Variants in DCAF6 observed in about 807,000 individuals in gnomAD.
The protein encoded by DCAF6 is DDB1 and CUL4 associated factor 6.
In DCAF6, 54 loss-of-function variants were observed where a neutral mutation model predicts 125.1. That is an observed-to-expected ratio of 0.43 (90% CI 0.35 to 0.54). DCAF6 has a LOEUF of 0.54. DCAF6 is among the 20% of genes least tolerant of loss of function. The pLI is 0.01. For synonymous variants in DCAF6, 371 were observed against 390.4 expected (o/e 0.95, Z 0.58); for missense variants, 934 against 1,161.7 (o/e 0.80, Z 2.85).
At chr1:168,067,938 A>G (rs1692552918) in intron 20 of DCAF6, among the ~76,000 whole-genome samples, 1 of 152,216 alleles carries the variant, frequency 6.6e-6, no homozygotes, top group Non-Finnish European at 1.5e-5. Context: ...GCCTCAGTCA[A>G]GGTAACATCT....
At chr1:167,925,442 C>CGTGTGT in the DCAF6 span, among the ~76,000 whole-genome samples, 1 of 82,478 alleles carries the variant, frequency 1.2e-5, no homozygotes. Flanking sequence ...TACATATACA[C>CGTGTGT]ATATATATAT....
intron 3 of DCAF6, chr1:167,969,058 T>C (rs1458974477): frequency 1.3e-5 from 2 of 152,170 alleles, no homozygotes; most frequent in Non-Finnish European, 2.9e-5. Flanking sequence ...TGGTTTTTTT[T>C]TACCATTCTG....
At chr1:167,948,052 T>C (rs1399127641) in intron 1 of DCAF6, among the ~76,000 whole-genome samples, 1 of 152,176 alleles carries the variant, frequency 6.6e-6, no homozygotes, top group African/African-American at 2.4e-5. Flanking sequence ...TACTCCAGTG[T>C]CGGGTGCAAA....
At chr1:168,023,068 G>T (rs770068704) in intron 12 of DCAF6, 21 bp downstream of exon 12, 2 of 1,612,760 alleles carry the variant, frequency 1.2e-6, no homozygotes, top group Non-Finnish European at 1.7e-6. Context: ...CAGGAGATGC[G>T]CTATGCCCAT....
At chr1:167,935,928 C>G, upstream of DCAF6, 1 of 1,020,910 alleles carries the variant, frequency 9.8e-7, no homozygotes, top group Non-Finnish European at 1.5e-6. Context: ...AGTCACTTTT[C>G]CTGCCACGAC....
At chr1:168,040,048 T>C (rs1688326897) in intron 13 of DCAF6, among the ~76,000 whole-genome samples, 1 of 151,980 alleles carries the variant, frequency 6.6e-6, no homozygotes, top group Non-Finnish European at 1.5e-5. Context: ...CCATATAGTA[T>C]GTTAGAAGGA....
At chr1:167,884,608 C>T in the DCAF6 span, among the ~76,000 whole-genome samples, 1 of 152,038 alleles carries the variant, frequency 6.6e-6, no homozygotes, top group African/African-American at 2.4e-5. Context: ...ATTGACCACC[C>T]CCAATTCCTC....
At chr1:168,036,468 A>C (rs1199195659) in intron 12 of DCAF6, among the ~76,000 whole-genome samples, 1 of 152,218 alleles carries the variant, frequency 6.6e-6, no homozygotes. Context: ...TAAGAGAGAA[A>C]ATGAAAAAAC....
At chr1:167,891,396 T>C in the DCAF6 span, among the ~76,000 whole-genome samples, 6 of 151,424 alleles carry the variant, frequency 4.0e-5, no homozygotes, top group South Asian at 4.2e-4. Flanking sequence ...GTGGCTCACA[T>C]CTGTAATCCC....
the DCAF6 span, chr1:167,924,605 G>GT: frequency 8.6e-7 from 1 of 1,158,548 alleles, no homozygotes; most frequent in South Asian, 1.7e-5. Context: ...TTTAACAGCT[G>GT]TCACCAAATT....
At chr1:167,914,908 A>T in the DCAF6 span, among the ~76,000 whole-genome samples, 1 of 151,860 alleles carries the variant, frequency 6.6e-6, no homozygotes, top group Admixed American at 6.6e-5. Flanking sequence ...AGGGAGGAAA[A>T]CAAGAGGGTC....
the DCAF6 span, chr1:167,924,378 C>A: frequency 1.3e-6 from 1 of 741,846 alleles, no homozygotes; most frequent in Non-Finnish European, 2.2e-6. Context: ...GCCATGAAAT[C>A]ATCTAGAGGC....
the DCAF6 span, among the ~76,000 whole-genome samples, chr1:167,885,933 A>C: frequency 6.6e-6 from 1 of 151,874 alleles, no homozygotes; most frequent in Non-Finnish European, 1.5e-5. Context: ...CCTTTTACCC[A>C]TTTTTTAATC....
At chr1:167,937,484 GA>G (rs1230770032) in intron 1 of DCAF6, among the ~76,000 whole-genome samples, 3 of 152,144 alleles carry the variant, frequency 2.0e-5, no homozygotes, top group African/African-American at 7.2e-5. Context: ...TCACGCTCCA[GA>G]CAGAATCCGT....
chr1:168,066,970 G>T (rs58731723), intron 20 of DCAF6, among the ~76,000 whole-genome samples: 4,907 of 152,068 alleles, frequency 0.032, 198 homozygotes, highest in African/African-American at 0.095. Flanking sequence ...ATTTTTTTAA[G>T]CCTGTTAAAA....
Position 168,033,203 on chromosome 1 carries a change from C to A in DCAF6, c.1610-5168C>A, listed in dbSNP as rs542071757. Among the ~76,000 whole-genome samples the A allele has an allele frequency of 5.9e-5, 9 of 151,644 alleles. No individual in the cohort carries two copies. In the South Asian group the frequency reaches 1.5e-3, roughly 25 times the overall value. ...ATACCTAATTAAATACATAACAGTT[C>A]AAGGAAACTGCTTTCAAATTATATT... On this transcript the variant is annotated intron_variant, in intron 12 of 21. Coordinates refer to ENST00000367840, the MANE Select transcript of DCAF6 (RefSeq NM_001198956.2).
At chr1:167,991,157 C>T in intron 5 of DCAF6, 47 bp from the exon 6 acceptor site, 2 of 1,453,660 alleles carry the variant, frequency 1.4e-6, no homozygotes, top group Non-Finnish European at 9.3e-7. Context: ...ATAATTTCAC[C>T]TCTGCTGTAT....
chr1:167,997,279 T>C (rs890980116), intron 7 of DCAF6, among the ~76,000 whole-genome samples: 2 of 152,228 alleles, frequency 1.3e-5, no homozygotes, highest in African/African-American at 4.8e-5. Flanking sequence ...AAAATTCCTC[T>C]CTGTTGAAAC....
At chr1:167,921,685 T>C in the DCAF6 span, among the ~76,000 whole-genome samples, 8 of 152,220 alleles carry the variant, frequency 5.3e-5, no homozygotes, top group African/African-American at 1.9e-4. Context: ...ATGCCAGTTT[T>C]ACTTGTTAAT....
Sources: gnomAD v4.1 joint callset for allele counts (sites outside exome capture counted in the v4.1 genomes callset) on GRCh38, gnomAD v4.1.1 for gene constraint, MANE v1.5 for transcripts, NCBI Gene and HGNC (gene_info 2026-07-23, HGNC 2026-07-21) for gene names.